Variants in EIF4ENIF1 observed in about 807,000 individuals in gnomAD.
EIF4ENIF1 encodes the protein eukaryotic translation initiation factor 4E transporter.
In EIF4ENIF1, 23 loss-of-function variants were observed where a neutral mutation model predicts 110.5. That is an observed-to-expected ratio of 0.21 (90% confidence interval 0.15 to 0.29). The LOEUF is 0.29. EIF4ENIF1 is among the 10% of genes least tolerant of loss of function. The probability of loss-of-function intolerance (pLI) is 1.00; values close to 1 mark genes in which losing one functional copy is unlikely to be tolerated. For missense variants in EIF4ENIF1, 1,031 were observed against 1,221.1 expected (o/e 0.84, Z 2.32); for synonymous variants, 440 against 437.0 (o/e 1.01, Z -0.09).
At chr22:31,450,185 A>G in intron 11 of EIF4ENIF1, 104 bp downstream of exon 11, 1 of 861,322 alleles carries the variant, frequency 1.2e-6, no homozygotes, top group Non-Finnish European at 1.9e-6. Context: ...ATTGCCAGGC[A>G]ACACAGATCA....
At chr22:31,490,354 G>A (rs547548389), upstream of EIF4ENIF1, among the ~76,000 whole-genome samples, 13 of 152,380 alleles carry the variant, frequency 8.5e-5, no homozygotes, top group African/African-American at 3.1e-4. Context: ...AGCCTTCCCA[G>A]TGCGGGTTCG....
intron 2 of EIF4ENIF1, among the ~76,000 whole-genome samples, chr22:31,484,762 G>T (rs1444002335): frequency 6.6e-6 from 1 of 151,678 alleles, no homozygotes; most frequent in Non-Finnish European, 1.5e-5. Context: ...TGAACCTGGG[G>T]CGGAGGTTGC....
intron 2 of EIF4ENIF1, among the ~76,000 whole-genome samples, chr22:31,480,803 G>A (rs933487605): frequency 6.6e-6 from 1 of 152,152 alleles, no homozygotes. Context: ...AGTGGCTCAC[G>A]TCTGTAACCC....
intron 18 of EIF4ENIF1, 37 bp from the exon 19 acceptor site, chr22:31,440,158 G>C: frequency 2.5e-6 from 4 of 1,613,876 alleles, no homozygotes; most frequent in Non-Finnish European, 3.4e-6. Context: ...CACAGCATGA[G>C]AAGGAAAGTT....
intron 3 of EIF4ENIF1, among the ~76,000 whole-genome samples, chr22:31,470,337 A>G (rs2051331773): frequency 6.6e-6 from 1 of 151,240 alleles, no homozygotes; most frequent in Non-Finnish European, 1.5e-5. Flanking sequence ...CTGCAGTGCA[A>G]TGGCGCAGTC....
chr22:31,454,914 A>G (rs1208258613), intron 9 of EIF4ENIF1, among the ~76,000 whole-genome samples: 1 of 152,192 alleles, frequency 6.6e-6, no homozygotes, highest in East Asian at 1.9e-4. Context: ...GACCCTAGGT[A>G]AGAACTTACA....
chr22:31,442,604 C>G (rs1275130542), intron 16 of EIF4ENIF1, among the ~76,000 whole-genome samples: 6 of 152,186 alleles, frequency 3.9e-5, no homozygotes, highest in Non-Finnish European at 8.8e-5. Context: ...ACTTAAGTCT[C>G]CACAGGCTGG....
At chr22:31,465,605 C>T (rs2051158898) in intron 4 of EIF4ENIF1, among the ~76,000 whole-genome samples, 1 of 152,208 alleles carries the variant, frequency 6.6e-6, no homozygotes, top group African/African-American at 2.4e-5. Context: ...CTTTGGAAAA[C>T]AGTTTGGCAA....
intron 3 of EIF4ENIF1, among the ~76,000 whole-genome samples, chr22:31,471,017 A>G (rs78922291): frequency 5.1e-5 from 7 of 138,538 alleles, no homozygotes; most frequent in Non-Finnish European, 9.6e-5. Flanking sequence ...TGTCTCGGAC[A>G]AAAAAAAAAA....
intron 2 of EIF4ENIF1, among the ~76,000 whole-genome samples, chr22:31,478,180 T>C (rs2051661871): frequency 6.6e-6 from 1 of 152,158 alleles, no homozygotes; most frequent in Admixed American, 6.5e-5. Flanking sequence ...CACAAGAAGA[T>C]CCCCTACTTA....
rs540299403 is a variant in EIF4ENIF1 at position 31,445,960 on chromosome 22, C to G, written c.1989-1270G>C. 9.4e-5 allele frequency among the ~76,000 whole-genome samples: 14 copies of G among 148,214 alleles called. 2 individuals are homozygous for G. Among genetic ancestry groups the G allele is most frequent in the East Asian group, 4.2e-4 (2 of 4,736 alleles). ...AAAATGCAGTTACGTACCGCCCCCC[C>G]CCCCCATCTACCTCACAGGGTTGAT... On this transcript the variant is annotated intron_variant, in intron 14 of 18. Coordinates refer to ENST00000330125, the MANE Select transcript of EIF4ENIF1 (RefSeq NM_019843.4).
Position 31,463,949 on chromosome 22 carries a change from T to A in EIF4ENIF1, c.317A>T (p.Lys106Ile). 6.2e-7 allele frequency: 1 copy of A among 1,613,084 alleles called. No homozygotes were observed. Among genetic ancestry groups the A allele is most frequent in the Non-Finnish European group, 8.5e-7 (1 of 1,179,668 alleles). ...GAGAACAACATCTAAGTCATCTTCTTTCACACGCTCTCGTGGATCTGGAAG... is the reference window on the plus strand; with the variant it reads ...GAGAACAACATCTAAGTCATCTTCTATCACACGCTCTCGTGGATCTGGAAG... ...RRIVDPRERV[K>I]EDDLDVVLSP... The change falls in exon 5 of 19, where the codon AAA (lysine) becomes ATA (isoleucine). Residue 106 changes from lysine (K) to isoleucine (I), a missense_variant. Around this residue, in one of 3 missense-constraint regions of EIF4ENIF1, gnomAD observed 704 missense variants for 879.7 expected, o/e 0.80. Coordinates refer to ENST00000330125, the MANE Select transcript of EIF4ENIF1 (RefSeq NM_019843.4).
intron 6 of EIF4ENIF1, among the ~76,000 whole-genome samples, chr22:31,462,401 C>T (rs1486556226): frequency 2.0e-5 from 3 of 151,516 alleles, no homozygotes; most frequent in Non-Finnish European, 2.9e-5. Context: ...GGAAGAATCG[C>T]TTGAACCAAG....
chr22:31,453,650 C>T (rs975921388), intron 10 of EIF4ENIF1, among the ~76,000 whole-genome samples: 20 of 152,194 alleles, frequency 1.3e-4, no homozygotes, highest in Middle Eastern at 3.4e-3. Context: ...TGGGATTACA[C>T]GCGTGAGCCA....
intron 4 of EIF4ENIF1, among the ~76,000 whole-genome samples, chr22:31,464,982 A>C (rs1257466881): frequency 6.6e-6 from 1 of 151,788 alleles, no homozygotes; most frequent in Non-Finnish European, 1.5e-5. Flanking sequence ...CTGAGACAAA[A>C]TATTTCAAAG....
chr22:31,485,796 C>T (rs894194118), intron 2 of EIF4ENIF1, among the ~76,000 whole-genome samples: 2 of 150,310 alleles, frequency 1.3e-5, no homozygotes, highest in African/African-American at 4.9e-5. Flanking sequence ...AGGAGTGAAA[C>T]TCCATCTCAA....
At chr22:31,444,975 G>A (rs766699145) in intron 14 of EIF4ENIF1, among the ~76,000 whole-genome samples, 12 of 152,190 alleles carry the variant, frequency 7.9e-5, no homozygotes, top group Non-Finnish European at 1.6e-4. Flanking sequence ...CACCAACAAA[G>A]TACAATGGGA....
intron 8 of EIF4ENIF1, among the ~76,000 whole-genome samples, 175 bp downstream of exon 8, chr22:31,455,677 C>T (rs547500978): frequency 4.9e-4 from 74 of 152,280 alleles, no homozygotes; most frequent in Admixed American, 1.8e-3. Flanking sequence ...GGATTACAGG[C>T]GTGAGCCACT....
At chr22:31,488,003 C>G (rs768694459) in intron 2 of EIF4ENIF1, among the ~76,000 whole-genome samples, 24 of 151,966 alleles carry the variant, frequency 1.6e-4, no homozygotes, top group Non-Finnish European at 2.8e-4. Context: ...ATTCAGTAGC[C>G]AACAAGACAT....
Sources: gnomAD v4.1 joint callset for allele counts (sites outside exome capture counted in the v4.1 genomes callset) on GRCh38, gnomAD v4.1.1 for gene constraint, gnomAD v4.1.1 regional missense constraint, MANE v1.5 for transcripts, NCBI Gene and HGNC (gene_info 2026-07-23, HGNC 2026-07-21) for gene names.